Variants in ADAMTSL1 observed in about 807,000 individuals in gnomAD.
ADAMTSL1 encodes the protein ADAMTS like 1.
A neutral mutation model predicts 201.8 loss-of-function variants in ADAMTSL1; 126 were observed. The observed-to-expected ratio is 0.62, with a 90% confidence interval of 0.54 to 0.72. ADAMTSL1 has a LOEUF of 0.72. ADAMTSL1 is among the 30% of genes least tolerant of loss of function. The pLI, the probability that ADAMTSL1 is intolerant of heterozygous loss-of-function variation, is 0.00. For synonymous variants in ADAMTSL1, 1,121 were observed against 903.4 expected (o/e 1.24, Z -4.32); for missense variants, 2,679 against 2,277.8 (o/e 1.18, Z -3.59).
At chr9:18,398,736 A>G (rs763104815) in intron 2 of ADAMTSL1, among the ~76,000 whole-genome samples, 3 of 152,186 alleles carry the variant, frequency 2.0e-5, no homozygotes, top group Non-Finnish European at 4.4e-5. Context: ...GGCTGTTTTA[A>G]TAGGAGGTCA....
intron 6 of ADAMTSL1, 143 bp from the exon 7 acceptor site, chr9:18,639,111 G>T: frequency 1.4e-6 from 1 of 718,458 alleles, no homozygotes. Context: ...ATAGTTTGTT[G>T]ATATCACAAT....
At chr9:18,663,521 TCTA>T (rs1564130538) in intron 9 of ADAMTSL1, among the ~76,000 whole-genome samples, 1 of 152,148 alleles carries the variant, frequency 6.6e-6, no homozygotes, top group Non-Finnish European at 1.5e-5. Flanking sequence ...TTAAAATTAT[TCTA>T]CTTATATATT....
intron 1 of ADAMTSL1, among the ~76,000 whole-genome samples, chr9:18,114,425 G>C (rs557928682): frequency 9.1e-4 from 138 of 152,276 alleles, no homozygotes; most frequent in Non-Finnish European, 1.7e-3. Context: ...CTTTCTGAAG[G>C]CTGTAGGTAT....
intron 2 of ADAMTSL1, among the ~76,000 whole-genome samples, chr9:18,179,910 A>G (rs1232884649): frequency 7.9e-5 from 12 of 151,410 alleles, no homozygotes; most frequent in Admixed American, 1.3e-4. Flanking sequence ...AGTACCAGCC[A>G]CTGCAAAATC....
At chr9:18,173,643 G>C (rs1382309250) in intron 2 of ADAMTSL1, among the ~76,000 whole-genome samples, 7 of 151,972 alleles carry the variant, frequency 4.6e-5, no homozygotes, top group Non-Finnish European at 8.8e-5. Context: ...TTATCTAGAA[G>C]ACATTGGAAG....
intron 3 of ADAMTSL1, among the ~76,000 whole-genome samples, chr9:18,569,993 A>T (rs2132334224): frequency 6.6e-6 from 1 of 152,294 alleles, no homozygotes; most frequent in South Asian, 2.1e-4. Context: ...AAAAGCTGAT[A>T]TTTCAAAGAT....
chr9:18,046,184 C>G (rs1161848735), intron 1 of ADAMTSL1, among the ~76,000 whole-genome samples: 1 of 152,140 alleles, frequency 6.6e-6, no homozygotes, highest in East Asian at 1.9e-4. Context: ...GTAAAAAGTA[C>G]TAGTTAAGAT....
chr9:18,672,324 T>C (rs1316684165), intron 9 of ADAMTSL1, among the ~76,000 whole-genome samples: 1 of 152,182 alleles, frequency 6.6e-6, no homozygotes, highest in Non-Finnish European at 1.5e-5. Flanking sequence ...TTCCAAAGTT[T>C]CTGTCTTTTC....
chr9:18,034,710 A>G (rs149432341), intron 1 of ADAMTSL1, among the ~76,000 whole-genome samples: 134 of 151,432 alleles, frequency 8.8e-4, no homozygotes, highest in African/African-American at 2.8e-3. Flanking sequence ...TACTTTCTCT[A>G]CTCTGGCTTT....
chr9:18,552,503 T>C (rs537082494), intron 3 of ADAMTSL1, among the ~76,000 whole-genome samples: 1 of 151,990 alleles, frequency 6.6e-6, no homozygotes, highest in South Asian at 2.1e-4. Context: ...CCACACTTTC[T>C]TGTAGAGAAC....
At chr9:18,725,190 G>C (rs961927872) in intron 15 of ADAMTSL1, among the ~76,000 whole-genome samples, 1 of 152,270 alleles carries the variant, frequency 6.6e-6, no homozygotes, top group Non-Finnish European at 1.5e-5. Context: ...ACAGGCGTGA[G>C]CCAACGTGCC....
intron 21 of ADAMTSL1, among the ~76,000 whole-genome samples, chr9:18,820,172 T>C (rs1480589785): frequency 6.6e-6 from 1 of 152,246 alleles, no homozygotes; most frequent in Non-Finnish European, 1.5e-5. Flanking sequence ...CAGTATTTTA[T>C]GTCATATTCA....
Position 18,574,038 on chromosome 9 carries a change from A to G in ADAMTSL1, c.246A>G (p.Pro82=), listed in dbSNP as rs149465597. ...RYRTCSNVDC[P]PEAGDFRAQQ... Reference sequence around the variant, plus strand: ...CTCTCTTTTTTCTCCAGGACTGCCCACCAGAAGCAGGTGATTTCCGAGCTC... The same window carrying G: ...CTCTCTTTTTTCTCCAGGACTGCCCGCCAGAAGCAGGTGATTTCCGAGCTC... The change falls in exon 4 of 29, where the codon CCA becomes CCG. Residue 82 remains proline, a synonymous_variant. Coordinates refer to ENST00000380548, the MANE Select transcript of ADAMTSL1 (RefSeq NM_001040272.6). The G allele has an allele frequency of 5.3e-5, 86 of 1,613,404 alleles. No homozygotes were observed. In the East Asian group the frequency reaches 1.8e-3, roughly 35 times the overall value.
intron 1 of ADAMTSL1, among the ~76,000 whole-genome samples, chr9:17,947,512 G>A (rs1381323042): frequency 6.6e-6 from 1 of 151,886 alleles, no homozygotes; most frequent in East Asian, 1.9e-4. Context: ...TTTTGTATTT[G>A]TATCACAAAA....
chr9:18,563,604 G>A (rs10963635), intron 3 of ADAMTSL1, among the ~76,000 whole-genome samples: 38,405 of 152,114 alleles, frequency 0.25, 5,257 homozygotes, highest in East Asian at 0.59. Flanking sequence ...TGCTGAAGCC[G>A]CACCCACAGC....
At chr9:18,507,925 C>G (rs1346451757) in intron 2 of ADAMTSL1, among the ~76,000 whole-genome samples, 1 of 152,170 alleles carries the variant, frequency 6.6e-6, no homozygotes, top group East Asian at 1.9e-4. Context: ...TGGCTCACGC[C>G]TGTAATTGCA....
At chr9:18,464,058 G>A (rs890393336) in intron 2 of ADAMTSL1, among the ~76,000 whole-genome samples, 2 of 152,226 alleles carry the variant, frequency 1.3e-5, no homozygotes, top group Non-Finnish European at 2.9e-5. Flanking sequence ...TCTCATGTGT[G>A]AGTAGTTGTT....
chr9:18,761,899 G>A (rs1054212355), intron 16 of ADAMTSL1, among the ~76,000 whole-genome samples: 5 of 152,188 alleles, frequency 3.3e-5, no homozygotes, highest in South Asian at 4.1e-4. Flanking sequence ...TACCTGGAGC[G>A]TCAGACTCTC....
chr9:18,890,020 G>C (rs1829146456), intron 25 of ADAMTSL1, among the ~76,000 whole-genome samples: 1 of 152,126 alleles, frequency 6.6e-6, no homozygotes, highest in African/African-American at 2.4e-5. Flanking sequence ...CAGGGAGCAA[G>C]AGCTTCCCAG....
Sources: gnomAD v4.1 joint callset for allele counts (sites outside exome capture counted in the v4.1 genomes callset) on GRCh38, gnomAD v4.1.1 for gene constraint, MANE v1.5 for transcripts, NCBI Gene and HGNC (gene_info 2026-07-23, HGNC 2026-07-21) for gene names.